SEC22A: variants seen among roughly 807,000 people sequenced by gnomAD.
SEC22A encodes the protein vesicle-trafficking protein SEC22a.
In SEC22A, 22 loss-of-function variants were observed where a neutral mutation model predicts 35.3. That is an observed-to-expected ratio of 0.62 (90% CI 0.45 to 0.89). The LOEUF (loss-of-function observed/expected upper bound fraction) is 0.89, where lower values mean the gene tolerates loss of function less well. Among genes scored for constraint, SEC22A ranks in the 40% least tolerant of loss-of-function variants. The pLI, the probability that SEC22A is intolerant of heterozygous loss-of-function variation, is 0.00. For synonymous variants in SEC22A, 119 were observed against 129.5 expected (o/e 0.92, Z 0.55); for missense variants, 354 against 362.5 (o/e 0.98, Z 0.19).
chr3:123,265,332 C>G (rs1938002400), intron 6 of SEC22A, among the ~76,000 whole-genome samples: 1 of 152,012 alleles, frequency 6.6e-6, no homozygotes, highest in Non-Finnish European at 1.5e-5. Flanking sequence ...ACTGTATATT[C>G]TAGATACTAA....
chr3:123,254,776 C>T (rs551031958), intron 5 of SEC22A, among the ~76,000 whole-genome samples: 2 of 152,004 alleles, frequency 1.3e-5, no homozygotes, highest in Non-Finnish European at 2.9e-5. Flanking sequence ...GGTACATGTG[C>T]ACAACGTGCA....
chr3:123,263,809 T>G (rs1297343204), intron 6 of SEC22A, among the ~76,000 whole-genome samples: 2 of 152,202 alleles, frequency 1.3e-5, no homozygotes, highest in Non-Finnish European at 2.9e-5. Flanking sequence ...ATTTTTTTAG[T>G]CAGCATAATT....
At chr3:123,257,616 T>C (rs1172315940) in intron 5 of SEC22A, among the ~76,000 whole-genome samples, 2 of 151,870 alleles carry the variant, frequency 1.3e-5, no homozygotes, top group East Asian at 3.9e-4. Flanking sequence ...GGAGAATCGC[T>C]TGAACCTGGG....
At chr3:123,227,146 C>A (rs867459859) in intron 4 of SEC22A, among the ~76,000 whole-genome samples, 5 of 152,026 alleles carry the variant, frequency 3.3e-5, no homozygotes, top group South Asian at 2.1e-4. Flanking sequence ...AAAATGAACA[C>A]CTCATTATTT....
chr3:123,224,983 G>A (rs1198995760), intron 3 of SEC22A, 120 bp from the exon 4 acceptor site: 2 of 641,384 alleles, frequency 3.1e-6, no homozygotes, highest in Non-Finnish European at 5.3e-6. Context: ...ACTATTTCAT[G>A]ACGAATTGAA....
intron 4 of SEC22A, among the ~76,000 whole-genome samples, chr3:123,237,777 A>G (rs1016862174): frequency 2.6e-5 from 4 of 152,148 alleles, no homozygotes; most frequent in Non-Finnish European, 5.9e-5. Flanking sequence ...CCCCACCCTG[A>G]CCTGTAGCTG....
At chr3:123,230,507 AC>A (rs1404751713) in intron 4 of SEC22A, among the ~76,000 whole-genome samples, 1 of 152,086 alleles carries the variant, frequency 6.6e-6, no homozygotes, top group East Asian at 1.9e-4. Flanking sequence ...GATATGTATA[AC>A]AGCAATACCA....
chr3:123,267,228 G>A (rs947468059), intron 6 of SEC22A, among the ~76,000 whole-genome samples: 7 of 151,284 alleles, frequency 4.6e-5, no homozygotes, highest in African/African-American at 9.7e-5. Flanking sequence ...ATTGCTGTAC[G>A]TAAGTCATTT....
At chr3:123,231,399 C>T (rs1160894617) in intron 4 of SEC22A, among the ~76,000 whole-genome samples, 2 of 152,104 alleles carry the variant, frequency 1.3e-5, no homozygotes, top group Non-Finnish European at 2.9e-5. Flanking sequence ...CCAGGATAGA[C>T]CTTATGCTAA....
chr3:123,211,440 A>T (rs559743842), intron 2 of SEC22A, among the ~76,000 whole-genome samples: 2 of 152,192 alleles, frequency 1.3e-5, no homozygotes, highest in East Asian at 3.9e-4. Context: ...GAGGCAGAAG[A>T]GAAAGATAAT....
At chr3:123,221,823 C>T (rs961492815) in intron 2 of SEC22A, among the ~76,000 whole-genome samples, 1 of 152,124 alleles carries the variant, frequency 6.6e-6, no homozygotes, top group Non-Finnish European at 1.5e-5. Flanking sequence ...TCAAATAACA[C>T]CTGTTCCCAT....
chr3:123,270,491 AT>A (rs1559766719), intron 6 of SEC22A, among the ~76,000 whole-genome samples: 15 of 152,196 alleles, frequency 9.9e-5, no homozygotes, highest in African/African-American at 3.6e-4. Context: ...TGTGGTTCCT[AT>A]ACTTACCAGG....
chr3:123,220,849 G>T (rs1300024284), intron 2 of SEC22A, among the ~76,000 whole-genome samples: 2 of 104,780 alleles, frequency 1.9e-5, no homozygotes, highest in African/African-American at 6.6e-5. Context: ...TGCCTAGGAT[G>T]GTCTTTAAAA....
chr3:123,234,429 G>A (rs1937380341), intron 4 of SEC22A, among the ~76,000 whole-genome samples: 1 of 152,038 alleles, frequency 6.6e-6, no homozygotes. Context: ...TAGACACATA[G>A]ATCAATGGAG....
intron 2 of SEC22A, among the ~76,000 whole-genome samples, chr3:123,217,529 A>G (rs1271702711): frequency 6.9e-6 from 1 of 145,388 alleles, no homozygotes. Flanking sequence ...ATTTTTTTAT[A>G]CTTGGCAAAT....
At chr3:123,215,102 T>C (rs563688276) in intron 2 of SEC22A, among the ~76,000 whole-genome samples, 1 of 152,380 alleles carries the variant, frequency 6.6e-6, no homozygotes, top group South Asian at 2.1e-4. Flanking sequence ...CCAGGTACTT[T>C]ACTGACATTA....
At chr3:123,218,455 T>C (rs1481585502) in intron 2 of SEC22A, among the ~76,000 whole-genome samples, 2 of 151,892 alleles carry the variant, frequency 1.3e-5, no homozygotes, top group Admixed American at 6.6e-5. Flanking sequence ...GGAGAGAGTG[T>C]GTGTTTGTAT....
At chr3:123,209,077 G>A in intron 1 of SEC22A, 122 bp from the exon 2 acceptor site, 1 of 723,378 alleles carries the variant, frequency 1.4e-6, no homozygotes, top group Non-Finnish European at 2.3e-6. Flanking sequence ...ACAGGTGTGA[G>A]CCACCACACC....
At chr3:123,224,135 G>A (rs571201341) in intron 3 of SEC22A, among the ~76,000 whole-genome samples, 2 of 152,050 alleles carry the variant, frequency 1.3e-5, no homozygotes, top group Non-Finnish European at 2.9e-5. Flanking sequence ...CAGCCCTGCC[G>A]TTGTAGCTCG....
Sources: allele counts gnomAD v4.1 joint callset (sites outside exome capture counted in the v4.1 genomes callset), GRCh38; gene constraint gnomAD v4.1.1; transcripts MANE v1.5; gene names NCBI Gene and HGNC (gene_info 2026-07-23, HGNC 2026-07-21).